The following EVC variants were observed in gnomAD, a reference collection of about 807,000 sequenced individuals.
EVC encodes EvC ciliary complex subunit 1, also known as evC complex member EVC.
In EVC, 116 loss-of-function variants were observed where a neutral mutation model predicts 118.9. That is an observed-to-expected ratio of 0.98 (90% CI 0.84 to 1.14). EVC has a LOEUF of 1.14. Ranked by LOEUF, EVC falls within the 50% of genes most tolerant of loss-of-function variation. EVC has a pLI of 0.00. For missense variants in EVC, 1,401 were observed against 1,246.4 expected (o/e 1.12, Z -1.87); for synonymous variants, 619 against 534.7 (o/e 1.16, Z -2.18).
In EVC at chr4:5,774,738, G is replaced by A. The variant is rs369799546; in HGVS notation, c.1564-8814G>A. Among the ~76,000 whole-genome samples the A allele has an allele frequency of 2.8e-4, 43 of 152,196 alleles. No individual in the cohort carries two copies. The South Asian group carries it at 8.7e-3, about 31-fold the overall frequency. ...GGGAGGGGATAGCCTCCTAAGCTTG[G>A]GGGATGAGGCTCAGGGCCAGCTTCT... On this transcript the variant is annotated intron_variant, in intron 11 of 20. Transcript: ENST00000264956.
chr4:5,772,069 T>C (rs1577517643), intron 11 of EVC, among the ~76,000 whole-genome samples: 2 of 152,018 alleles, frequency 1.3e-5, no homozygotes, highest in South Asian at 4.2e-4. Context: ...GCTAATTTTT[T>C]GTATTTTTAG....
chr4:5,792,461 A>C (rs575457591), intron 12 of EVC, among the ~76,000 whole-genome samples: 1 of 152,226 alleles, frequency 6.6e-6, no homozygotes, highest in Non-Finnish European at 1.5e-5. Context: ...CACAAAACAC[A>C]TGAAGCAAAA....
intron 2 of EVC, among the ~76,000 whole-genome samples, chr4:5,724,249 A>G (rs1304309642): frequency 6.6e-6 from 1 of 152,234 alleles, no homozygotes; most frequent in Non-Finnish European, 1.5e-5. Flanking sequence ...CTTCAGGGTA[A>G]ATACGCTGGA....
chr4:5,727,537 A>G (rs972878915), intron 2 of EVC, among the ~76,000 whole-genome samples: 105 of 152,128 alleles, frequency 6.9e-4, no homozygotes, highest in African/African-American at 2.4e-3. Context: ...GTTCACTCTG[A>G]TGGTAGTTTC....
Position 5,796,980 on chromosome 4 carries a change from G to A in EVC, c.1887-42G>A, listed in dbSNP as rs368187410. 79 of 1,465,912 alleles carry A rather than the reference G, an allele frequency of 5.4e-5. No individual in the cohort carries two copies. In the African/African-American group the frequency reaches 9.4e-4, roughly 17 times the overall value. 90.8% of individuals were successfully genotyped at this position (1,465,912 alleles called of 1,614,324 possible). A position where few individuals can be genotyped will look rare whatever the true frequency, so the allele number is the denominator to read the frequency against. ...GGGAGCTTGTCACTGGCTTCGTGAAGCCAAGAGCATTGACCCCACCCCTCA... is the reference window on the plus strand; with the variant it reads ...GGGAGCTTGTCACTGGCTTCGTGAAACCAAGAGCATTGACCCCACCCCTCA... On this transcript the variant is annotated intron_variant, in intron 13 of 20. Transcript: ENST00000264956.
intron 12 of EVC, among the ~76,000 whole-genome samples, chr4:5,792,708 A>G (rs1233608924): frequency 6.6e-6 from 1 of 152,210 alleles, no homozygotes. Context: ...TGTCACAACT[A>G]TGAAGATTGC....
At chr4:5,783,433 C>A in intron 11 of EVC, 119 bp from the exon 12 acceptor site, 1 of 957,034 alleles carries the variant, frequency 1.0e-6, no homozygotes, top group Non-Finnish European at 1.7e-6. Flanking sequence ...TTGAGAGTTC[C>A]TGTCTGTGGA....
chr4:5,818,749 C>G (rs1718048842), downstream of EVC, among the ~76,000 whole-genome samples: 1 of 152,192 alleles, frequency 6.6e-6, no homozygotes, highest in South Asian at 2.1e-4. Context: ...CCAAATGCAC[C>G]AGCACCACCC....
At chr4:5,814,871 GC>G (rs1041766085), downstream of EVC, among the ~76,000 whole-genome samples, 1 of 151,970 alleles carries the variant, frequency 6.6e-6, no homozygotes, top group Non-Finnish European at 1.5e-5. Flanking sequence ...CAACATCAGG[GC>G]CCCCCTTAGA....
At chr4:5,810,829 C>A in intron 20 of EVC, 124 bp from the exon 21 acceptor site, 2 of 937,274 alleles carry the variant, frequency 2.1e-6, no homozygotes, top group Non-Finnish European at 3.4e-6. Context: ...CAACCCATGT[C>A]AAAGTAAAAA....
intron 17 of EVC, among the ~76,000 whole-genome samples, chr4:5,805,455 C>T (rs1299394562): frequency 6.6e-6 from 1 of 152,156 alleles, no homozygotes; most frequent in African/African-American, 2.4e-5. Context: ...CAGGAAACGC[C>T]CTGCTGCAGG....
rs760815837 is a variant in EVC at position 5,793,597 on chromosome 4, C to G, written c.1777-11C>G. ...CCACATGCCTGCTCTGTCCCTCTGT[C>G]CCGAGTTCAGGTGTGGATGGAGGAG... On this transcript the variant is annotated splice_polypyrimidine_tract_variant and intron_variant, in intron 12 of 20. Transcript: ENST00000264956. 4 of 1,550,384 alleles carry G rather than the reference C, an allele frequency of 2.6e-6. No homozygotes were observed. The highest frequency in any genetic ancestry group is 2.0e-5 in the Admixed American group (1 of 50,996).
At chr4:5,760,396 G>A (rs372325184) in intron 11 of EVC, among the ~76,000 whole-genome samples, 110 of 152,112 alleles carry the variant, frequency 7.2e-4, no homozygotes, top group Non-Finnish European at 2.5e-4. Context: ...GCCTTTTAAC[G>A]TAACATCAGG....
rs1420247198 is a variant in EVC at position 5,746,806 on chromosome 4, G to T, written c.940-1342G>T. 6.6e-6 allele frequency among the ~76,000 whole-genome samples: 1 copy of T among 152,170 alleles called. No individual in the cohort carries two copies. The highest frequency in any genetic ancestry group is 2.1e-4 in the South Asian group (1 of 4,824). The stretch of plus-strand genomic sequence containing the variant: ...AAAAGAGCTTTGGTGCCAAATCCTG[G>T]ATCCTGCCCATATTTAAGGAGGAGC... On this transcript the variant is annotated intron_variant, in intron 7 of 20. Coordinates refer to ENST00000264956, the MANE Select transcript of EVC (RefSeq NM_153717.3). The surrounding 1 kb of genome is among the most constrained non-coding windows in gnomAD (Gnocchi z 5.8).
Position 5,756,156 on chromosome 4 carries a change from C to T in EVC, c.1465-108C>T. The T allele has an allele frequency of 1.2e-6, 1 of 861,422 alleles. No homozygotes were observed. The highest frequency in any genetic ancestry group is 1.9e-6 in the Non-Finnish European group (1 of 529,340). 53.4% of individuals were successfully genotyped at this position (861,422 alleles called of 1,614,324 possible). ...TCCTTGTGTGTAATACAGGTGCCAA[C>T]ATCCTTCTTTCTAACCTGAGATGCA... On this transcript the variant is annotated intron_variant, in intron 10 of 20. Coordinates refer to ENST00000264956, the MANE Select transcript of EVC (RefSeq NM_153717.3). This position sits in a 1 kb window ranked among gnomAD's most constrained non-coding sequence, Gnocchi z 4.2.
At chr4:5,747,934 T>C in intron 7 of EVC, 1 of 589,524 alleles carries the variant, frequency 1.7e-6, no homozygotes, top group Non-Finnish European at 3.1e-6. Context: ...GAAACACCAT[T>C]GCAAAACTGA....
intron 1 of EVC, among the ~76,000 whole-genome samples, chr4:5,718,483 A>G (rs942543756): frequency 7.9e-5 from 12 of 152,104 alleles, no homozygotes; most frequent in African/African-American, 2.9e-4. Context: ...TGGTTATTTT[A>G]AACAGTAAAG....
intron 11 of EVC, among the ~76,000 whole-genome samples, chr4:5,778,538 G>A (rs1735075563): frequency 1.3e-5 from 2 of 152,104 alleles, no homozygotes; most frequent in African/African-American, 4.8e-5. Context: ...ATTCTAACTG[G>A]TGTGAGATGA....
At chr4:5,777,141 G>T (rs1477555973) in intron 11 of EVC, among the ~76,000 whole-genome samples, 1 of 152,066 alleles carries the variant, frequency 6.6e-6, no homozygotes, top group Non-Finnish European at 1.5e-5. Context: ...ATATTTTCAG[G>T]TATACAATGA....
Sources: allele counts gnomAD v4.1 joint callset (sites outside exome capture counted in the v4.1 genomes callset), GRCh38; gene constraint gnomAD v4.1.1; non-coding constraint Gnocchi (gnomAD v3.1); transcripts MANE v1.5; gene names NCBI Gene and HGNC (gene_info 2026-07-23, HGNC 2026-07-21).